The following PAK1 variants were observed in gnomAD, a reference collection of about 807,000 sequenced individuals.
PAK1 encodes the protein p21 (RAC1) activated kinase 1.
PAK1 carries 29 observed loss-of-function variants against 67.4 expected under a neutral mutation model. The observed-to-expected ratio is 0.43, with a 90% CI of 0.32 to 0.59. The LOEUF (loss-of-function observed/expected upper bound fraction) is 0.59. PAK1 is among the 20% of genes least tolerant of loss of function. The probability of loss-of-function intolerance (pLI) is 0.07; values close to 1 mark genes in which losing one functional copy is unlikely to be tolerated. For missense variants in PAK1, 337 were observed against 670.7 expected, an observed-to-expected ratio of 0.50 and a Z score of 5.50; for synonymous variants, 223 against 237.4, an observed-to-expected ratio of 0.94 and a Z score of 0.56.
At chr11:77,526,450 G>C in the PAK1 span, among the ~76,000 whole-genome samples, 1 of 152,198 alleles carries the variant, frequency 6.6e-6, no homozygotes, top group Non-Finnish European at 1.5e-5. Flanking sequence ...AAAGGCATAA[G>C]AGTAACATTG....
the PAK1 span, among the ~76,000 whole-genome samples, chr11:77,507,993 A>T: frequency 6.6e-6 from 1 of 152,150 alleles, no homozygotes; most frequent in Admixed American, 6.5e-5. Context: ...GCCCCTTATC[A>T]GTCCCACCCC....
intron 1 of PAK1, among the ~76,000 whole-genome samples, chr11:77,417,604 A>G (rs183334730): frequency 1.1e-3 from 175 of 152,366 alleles, no homozygotes; most frequent in African/African-American, 4.0e-3. Context: ...CAACCCAAAC[A>G]GTAAACCCTA....
chr11:77,433,009 A>C (rs1464931362), intron 1 of PAK1, among the ~76,000 whole-genome samples: 2 of 152,228 alleles, frequency 1.3e-5, no homozygotes, highest in Non-Finnish European at 2.9e-5. Flanking sequence ...CAGATCAATT[A>C]AATGGAACTG....
chr11:77,403,263 A>G (rs543037090), intron 1 of PAK1, among the ~76,000 whole-genome samples: 11 of 152,198 alleles, frequency 7.2e-5, no homozygotes, highest in Non-Finnish European at 1.3e-4. Context: ...GGTCACTCCC[A>G]CTGAAAGGCT....
At chr11:77,394,095 G>C (rs1007025115) in intron 1 of PAK1, among the ~76,000 whole-genome samples, 1 of 152,110 alleles carries the variant, frequency 6.6e-6, no homozygotes, top group Non-Finnish European at 1.5e-5. Context: ...CTTGACAATG[G>C]ATACATATGA....
intron 1 of PAK1, among the ~76,000 whole-genome samples, chr11:77,443,555 C>T (rs1168940506): frequency 2.0e-5 from 3 of 152,054 alleles, no homozygotes; most frequent in African/African-American, 7.2e-5. Flanking sequence ...ATGCTAAGTA[C>T]ATTTACATTA....
rs184450840 is a variant in PAK1, at chr11:77,350,193, T to C, written c.837-906A>G. Reference sequence around the variant, plus strand: ...TTCCATCAACAGGATATGTGAATTTTGTTTTCTGTAGTTTGTATTATAAAA... The same window carrying C: ...TTCCATCAACAGGATATGTGAATTTCGTTTTCTGTAGTTTGTATTATAAAA... On this transcript the variant is annotated intron_variant, in intron 8 of 14. Coordinates refer to ENST00000356341, the MANE Select transcript of PAK1 (RefSeq NM_002576.5). Among the ~76,000 whole-genome samples the C allele has an allele frequency of 6.6e-4, 101 of 152,340 alleles. 1 individual carries two copies. The highest frequency in any genetic ancestry group is 2.3e-3 in the African/African-American group (95 of 41,582).
chr11:77,409,443 A>G (rs1057225496), intron 1 of PAK1, among the ~76,000 whole-genome samples: 1 of 152,174 alleles, frequency 6.6e-6, no homozygotes, highest in African/African-American at 2.4e-5. Flanking sequence ...CAATTCCATT[A>G]CTGAGTATAT....
chr11:77,482,718 AGCCT>A, the PAK1 span, among the ~76,000 whole-genome samples: 1 of 151,280 alleles, frequency 6.6e-6, no homozygotes, highest in Non-Finnish European at 1.5e-5. Flanking sequence ...CTCAGCCTTC[AGCCT>A]GCTGAGTAGC....
chr11:77,518,553 C>T, the PAK1 span, among the ~76,000 whole-genome samples: 20 of 152,190 alleles, frequency 1.3e-4, no homozygotes, highest in African/African-American at 4.8e-4. Flanking sequence ...GCAAACCACT[C>T]GGCACTCTGC....
chr11:77,355,599 G>C, intron 7 of PAK1, 69 bp downstream of exon 7: 1 of 1,331,420 alleles, frequency 7.5e-7, no homozygotes. Flanking sequence ...CCAAGCCTAC[G>C]ACCAGCAAAT....
At chr11:77,453,978 CAGGCTGAAGTAGG>C (rs1956973798) in intron 1 of PAK1, among the ~76,000 whole-genome samples, 1 of 152,054 alleles carries the variant, frequency 6.6e-6, no homozygotes, top group African/African-American at 2.4e-5. Context: ...AGCTACTTGG[CAGGCTGAAGTAGG>C]AGGTTGAAGC....
chr11:77,391,402 A>G (rs998721104), intron 2 of PAK1, among the ~76,000 whole-genome samples: 16 of 152,256 alleles, frequency 1.1e-4, no homozygotes, highest in East Asian at 5.8e-4. Flanking sequence ...TAAAATAGGA[A>G]ACTAAATAAA....
chr11:77,460,099 G>C (rs1957266007), intron 1 of PAK1, among the ~76,000 whole-genome samples: 1 of 151,196 alleles, frequency 6.6e-6, no homozygotes, highest in Non-Finnish European at 1.5e-5. Flanking sequence ...GCAAACCAGG[G>C]GTAAAGAACA....
chr11:77,377,807 T>C (rs936720519), intron 4 of PAK1, among the ~76,000 whole-genome samples: 2 of 152,212 alleles, frequency 1.3e-5, no homozygotes, highest in African/African-American at 4.8e-5. Context: ...GACAAGTTCC[T>C]TAAACACAAA....
the PAK1 span, among the ~76,000 whole-genome samples, chr11:77,493,575 C>G: frequency 0.76 from 114,781 of 150,184 alleles, 44,638 homozygotes; most frequent in East Asian, 0.93. Flanking sequence ...TTACAGACGT[C>G]AGCCACCATG....
intron 5 of PAK1, among the ~76,000 whole-genome samples, chr11:77,368,161 A>T (rs1947867467): frequency 6.6e-6 from 1 of 152,244 alleles, no homozygotes. Context: ...AGATGTAAAT[A>T]GGAATATAAT....
chr11:77,328,845 G>T (rs1337388542), intron 14 of PAK1, among the ~76,000 whole-genome samples: 2 of 152,128 alleles, frequency 1.3e-5, no homozygotes, highest in Admixed American at 1.3e-4. Flanking sequence ...GAATCCAGGA[G>T]CTGGTTTTTT....
At position 77,336,236 on chromosome 11, in the gene PAK1, C is replaced by G; in HGVS notation, c.1263G>C (p.Arg421=). 6.2e-7 allele frequency: 1 copy of G among 1,614,046 alleles called. No individual in the cohort carries two copies. Among genetic ancestry groups the G allele is most frequent in the Non-Finnish European group, 8.5e-7 (1 of 1,179,924 alleles). Residue 421 remains arginine (R), a synonymous_variant, in exon 13 of 15, where the codon CGG becomes CGC. Transcript: ENST00000356341. ...AGTATGGGGTTCCTACCATGGTGCT[C>G]CGTTTGCTCTGCTCTGGGGTTATCT... ...CAQITPEQSK[R]STMVGTPYWM... is the part of the protein sequence containing the mutation.
Sources: allele counts gnomAD v4.1 joint callset (sites outside exome capture counted in the v4.1 genomes callset), GRCh38; gene constraint gnomAD v4.1.1; transcripts MANE v1.5; gene names NCBI Gene and HGNC (gene_info 2026-07-23, HGNC 2026-07-21).